The following TGFBR3 variants were observed in gnomAD, a reference collection of about 807,000 sequenced individuals.
The protein encoded by TGFBR3 is transforming growth factor beta receptor type 3.
In TGFBR3, 46 loss-of-function variants were observed where a neutral mutation model predicts 87.9. The observed-to-expected ratio is 0.52, with a 90% CI of 0.41 to 0.67. TGFBR3 has a LOEUF of 0.67. Among genes scored for constraint, TGFBR3 ranks in the 30% least tolerant of loss-of-function variants. The pLI is 0.00. For synonymous variants in TGFBR3, 381 were observed against 391.6 expected (o/e 0.97, Z 0.32); for missense variants, 866 against 1,041.9 (o/e 0.83, Z 2.32).
At position 91,861,524 on chromosome 1, in the gene TGFBR3, G is replaced by C. The variant is rs1457452949; in HGVS notation, c.8C>G (p.Ser3Cys). Residue 3 changes from serine to cysteine, a missense_variant, in exon 2 of 17, where the codon TCC becomes TGC. By Grantham distance (112) the Ser-to-Cys change is moderately radical (BLOSUM62 -1). Coordinates refer to ENST00000212355, the MANE Select transcript of TGFBR3 (RefSeq NM_003243.5). Reference protein sequence around the residue: MTSHYVIAIFALM... With the variant: MTCHYVIAIFALM... Reference sequence around the variant, plus strand: ...GGCAAAGATGGCAATCACATAATGGGAAGTCATTTTTATTTCTCCAACAGT... The same window carrying C: ...GGCAAAGATGGCAATCACATAATGGCAAGTCATTTTTATTTCTCCAACAGT... 1.9e-6 allele frequency: 3 copies of C among 1,613,624 alleles called. No individual in the cohort carries two copies. In the African/African-American group the frequency reaches 4.0e-5, roughly 22 times the overall value.
chr1:91,755,856 C>G lies in TGFBR3; in HGVS notation c.384+2757G>C, dbSNP rs932385415. On this transcript the variant is annotated intron_variant, in intron 4 of 16. Transcript: ENST00000212355. ...GGACCTATAGCCCAGAGAAACAGAA[C>G]CCCTTTTGATCTGGGGCCAGCCAAA... Among the ~76,000 whole-genome samples, 3 of 152,124 alleles carry G rather than the reference C, an allele frequency of 2.0e-5. No homozygotes were observed. In the South Asian group the frequency reaches 6.2e-4, roughly 32 times the overall value.
chr1:91,898,603 A>AT lies in TGFBR3; in HGVS notation c.-114+1033dup, dbSNP rs911637275. ...AGGCGCCCGCCACCACGCCCAGCTAATTTTTTTTTTATTTTTAGTAGAGAC... is the reference window on the plus strand; with the variant it reads ...AGGCGCCCGCCACCACGCCCAGCTAATTTTTTTTTTTATTTTTAGTAGAGAC... On this transcript the variant is annotated intron_variant, in intron 2 of 17. Transcript: ENST00000370399. Among the ~76,000 whole-genome samples, 169 of 150,032 alleles carry AT rather than the reference A, an allele frequency of 1.1e-3. 1 individual carries two copies. The East Asian group carries it at 0.023, about 21-fold the overall frequency.
At chr1:91,777,566 T>C (rs1473768) in intron 3 of TGFBR3, among the ~76,000 whole-genome samples, 34,411 of 148,290 alleles carry the variant, frequency 0.23, 4,842 homozygotes, top group Middle Eastern at 0.38. Context: ...CAGCAATGCC[T>C]TCCCCCAGCC....
intron 16 of TGFBR3, among the ~76,000 whole-genome samples, chr1:91,685,961 C>T (rs1671078479): frequency 6.6e-6 from 1 of 152,152 alleles, no homozygotes; most frequent in South Asian, 2.1e-4. Context: ...ATGCATGAAC[C>T]ACATTTTAAA....
intron 7 of TGFBR3, among the ~76,000 whole-genome samples, chr1:91,725,977 C>G (rs12722864): frequency 1.3e-5 from 2 of 152,150 alleles, no homozygotes; most frequent in East Asian, 3.8e-4. Context: ...AAAGCATAAA[C>G]TGGTTGGGAG....
intron 3 of TGFBR3, among the ~76,000 whole-genome samples, chr1:91,778,174 A>C (rs902871337): frequency 2.4e-4 from 36 of 151,878 alleles, no homozygotes; most frequent in East Asian, 3.9e-4. Context: ...AAAAAAAAAA[A>C]ACACACATAA....
rs1275851712 is a variant in TGFBR3 at position 91,682,046 on chromosome 1, A to G, written c.*1693T>C. ...GTTTTAGTTAAAATGTTCCTTATTG[A>G]AAAAAAAAAATGTTCCTTATTGAAT... is the stretch of plus-strand genomic sequence containing the variant. On this transcript the variant is annotated 3_prime_UTR_variant, in exon 17 of 17. Transcript: ENST00000212355. 2 of 359,324 alleles carry G rather than the reference A, an allele frequency of 5.6e-6. No homozygotes were observed. The highest frequency in any genetic ancestry group is 2.2e-5 in the African/African-American group (1 of 46,130). The allele number at this position is 359,324 out of a possible 1,614,324, so 22.3% of individuals were successfully genotyped here. A position where few individuals can be genotyped will look rare whatever the true frequency, so the allele number is the denominator to read the frequency against.
intron 3 of TGFBR3, among the ~76,000 whole-genome samples, chr1:91,776,027 C>G (rs1435732223): frequency 1.3e-5 from 2 of 152,218 alleles, no homozygotes; most frequent in Non-Finnish European, 2.9e-5. Context: ...GGTGCCCTAA[C>G]CTGCCCCTCT....
At position 91,778,450 on chromosome 1, in the gene TGFBR3, A is replaced by G. The variant is rs1258489567; in HGVS notation, c.246+18837T>C. Among the ~76,000 whole-genome samples, 3 of 152,190 alleles carry G rather than the reference A, an allele frequency of 2.0e-5. No individual in the cohort carries two copies. In the East Asian group the frequency reaches 5.8e-4, roughly 29 times the overall value. ...AGATCACAACAGAGGGAAGACCAAA[A>G]AAGAGGGAAGTCTTTTATTAAGACT... On this transcript the variant is annotated intron_variant, in intron 3 of 16. Coordinates refer to ENST00000212355, the MANE Select transcript of TGFBR3 (RefSeq NM_003243.5).
intron 1 of TGFBR3, among the ~76,000 whole-genome samples, chr1:91,904,424 T>C (rs1679799717): frequency 1.3e-5 from 2 of 151,648 alleles, no homozygotes; most frequent in Non-Finnish European, 2.9e-5. Context: ...TTTTTTTTTT[T>C]CTTGCTCTGT....
chr1:91,706,994 C>G (rs1228092356), intron 14 of TGFBR3, among the ~76,000 whole-genome samples: 1 of 152,176 alleles, frequency 6.6e-6, no homozygotes, highest in African/African-American at 2.4e-5. Context: ...CAAACAACAA[C>G]AAAAATGTTG....
chr1:91,732,886 C>T (rs771574301), intron 5 of TGFBR3, among the ~76,000 whole-genome samples: 4 of 152,216 alleles, frequency 2.6e-5, no homozygotes, highest in Non-Finnish European at 4.4e-5. Flanking sequence ...GAAGCTCATG[C>T]ACTGCCGAGA....
intron 14 of TGFBR3, among the ~76,000 whole-genome samples, chr1:91,707,633 G>C (rs150917189): frequency 2.2e-3 from 332 of 152,306 alleles, no homozygotes; most frequent in Non-Finnish European, 4.0e-3. Flanking sequence ...TGGTGCCCAG[G>C]CTCCTCTGTG....
chr1:91,869,070 C>A (rs931802375), intron 1 of TGFBR3, among the ~76,000 whole-genome samples: 1 of 152,206 alleles, frequency 6.6e-6, no homozygotes, highest in African/African-American at 2.4e-5. Context: ...CGGAACTCAA[C>A]ATCCCTCCAT....
chr1:91,716,199 C>G, intron 12 of TGFBR3, 37 bp downstream of exon 12: 1 of 1,613,348 alleles, frequency 6.2e-7, no homozygotes, highest in Non-Finnish European at 8.5e-7. Flanking sequence ...TAGCCCAGCA[C>G]TAACCTAAAA....
upstream of TGFBR3, among the ~76,000 whole-genome samples, chr1:91,890,721 A>C (rs116450422): frequency 3.6e-3 from 547 of 151,664 alleles, 5 homozygotes; most frequent in African/African-American, 0.012. Context: ...CCCAGCTATT[A>C]TCCTCATTTT....
intron 2 of TGFBR3, among the ~76,000 whole-genome samples, chr1:91,832,548 G>C (rs1676888016): frequency 6.6e-6 from 1 of 152,158 alleles, no homozygotes; most frequent in Non-Finnish European, 1.5e-5. Context: ...ACAGATGAAA[G>C]AACTAAGGTA....
In TGFBR3 at chr1:91,719,451, G is replaced by A. The variant is rs542785122; in HGVS notation, c.1427C>T (p.Ser476Leu). 51 of 1,613,946 alleles carry A rather than the reference G, an allele frequency of 3.2e-5. No individual in the cohort carries two copies. Among genetic ancestry groups the A allele is most frequent in the Non-Finnish European group, 4.0e-5 (47 of 1,180,010 alleles). Residue 476 changes from serine (S) to leucine (L), a missense_variant, in exon 10 of 17, where the codon TCG (serine) becomes TTG (leucine). Physicochemically the swap from Ser to Leu is moderately radical, Grantham distance 145. Transcript: ENST00000212355. ...ATCCAACAGGGTGACGTCCATCCCC[G>A]AGTAGCCACTGGCCTAAAACAACAA... ...EKDSFQASGY[S>L]GMDVTLLDPT...
intron 3 of TGFBR3, among the ~76,000 whole-genome samples, chr1:91,775,834 A>G (rs1674548493): frequency 6.6e-6 from 1 of 152,250 alleles, no homozygotes; most frequent in Non-Finnish European, 1.5e-5. Context: ...TGAATGATAC[A>G]TTGTTGTACT....
Sources: gnomAD v4.1 joint callset for allele counts (sites outside exome capture counted in the v4.1 genomes callset) on GRCh38, gnomAD v4.1.1 for gene constraint, MANE v1.5 for transcripts, NCBI Gene and HGNC (gene_info 2026-07-23, HGNC 2026-07-21) for gene names.